The following ZC2HC1C variants were observed in gnomAD, a reference collection of about 807,000 sequenced individuals.
The protein encoded by ZC2HC1C is zinc finger C2HC domain-containing protein 1C.
ZC2HC1C carries 25 observed loss-of-function variants against 39.2 expected under a neutral mutation model. The ratio of observed to expected loss-of-function variants is 0.64; its 90% CI spans 0.47 to 0.89. ZC2HC1C has a LOEUF of 0.89. ZC2HC1C is among the 40% of genes least tolerant of loss of function. ZC2HC1C has a pLI of 0.00. For synonymous variants in ZC2HC1C, 209 were observed against 214.4 expected, an observed-to-expected ratio of 0.97 and a Z score of 0.22; for missense variants, 519 against 548.6, an observed-to-expected ratio of 0.95 and a Z score of 0.54.
intron 2 of ZC2HC1C, 59 bp from the exon 3 acceptor site, chr14:75,077,473 G>A: frequency 6.2e-7 from 1 of 1,602,188 alleles, no homozygotes. Context: ...TATTCTACAA[G>A]AGACTCAGGA....
chr14:75,077,468 T>C (rs1324161066), intron 2 of ZC2HC1C, 64 bp from the exon 3 acceptor site: 3 of 1,598,740 alleles, frequency 1.9e-6, no homozygotes, highest in African/African-American at 1.3e-5. Flanking sequence ...ACTGTTATTC[T>C]ACAAGAGACT....
rs368209946 is a variant in ZC2HC1C at position 75,071,747 on chromosome 14, A to T, written c.1174A>T (p.Ser392Cys). Residue 392 changes from serine (S) to cysteine (C), a missense_variant, in exon 2 of 3, where the codon AGC becomes TGC. Transcript: ENST00000524913. ...SIEEPQLGEC[S>C]HCGRKFLSFR... Reference sequence around the variant, plus strand: ...TGAAGAGCCACAGCTGGGTGAGTGCAGCCACTGTGGGCGCAAATTCCTCTC... The same window carrying T: ...TGAAGAGCCACAGCTGGGTGAGTGCTGCCACTGTGGGCGCAAATTCCTCTC... 6 of 1,614,062 alleles carry T rather than the reference A, an allele frequency of 3.7e-6. No homozygotes were observed. In the African/African-American group the frequency reaches 6.7e-5, roughly 18 times the overall value.
Position 75,077,758 on chromosome 14 carries a change from A to AG in ZC2HC1C, c.*195dup. On this transcript the variant is annotated 3_prime_UTR_variant, in exon 3 of 3. Transcript: ENST00000524913. ...CACATTCCCAAGTGTAAGACCATCA[A>AG]GAACTGTCTTCCACCTCTAAGGAAG... is the stretch of plus-strand genomic sequence containing the variant. 1.6e-6 allele frequency: 1 copy of AG among 621,486 alleles called. No individual in the cohort carries two copies. 38.5% of individuals were successfully genotyped at this position (621,486 alleles called of 1,614,324 possible).
chr14:75,071,788 A>G lies in ZC2HC1C; in HGVS notation c.1215A>G (p.Arg405=). 6.2e-7 allele frequency: 1 copy of G among 1,614,110 alleles called. No homozygotes were observed. The highest frequency in any genetic ancestry group is 8.5e-7 in the Non-Finnish European group (1 of 1,180,012). ...AATTCCTCTCGTTCAGGCTGGAGAG[A>G]CACTCCAACATCTGCAGCAGGATGC... ...GRKFLSFRLE[R]HSNICSRMRG... is the part of the protein sequence containing the mutation. The change falls in exon 2 of 3, where the codon AGA becomes AGG. Residue 405 remains arginine (R), a synonymous_variant. Transcript: ENST00000524913.
chr14:75,079,945 GT>G lies in ZC2HC1C; in HGVS notation c.*2384del, dbSNP rs1455964901. The stretch of plus-strand genomic sequence containing the variant: ...AGTGCTTTCTAAAAAGGAAGCAGTT[GT>G]TTGCTCTCATTTTGCTAAAGAAATA... On this transcript the variant is annotated 3_prime_UTR_variant, in exon 3 of 3. Coordinates refer to ENST00000524913, the MANE Select transcript of ZC2HC1C (RefSeq NM_024643.4). 2 of 152,168 alleles carry G rather than the reference GT, an allele frequency of 1.3e-5. No homozygotes were observed. The highest frequency in any genetic ancestry group is 2.4e-5 in the African/African-American group (1 of 41,432). 9.4% of individuals were successfully genotyped at this position (152,168 alleles called of 1,614,324 possible).
chr14:75,073,498 C>A, intron 2 of ZC2HC1C: 1 of 1,045,578 alleles, frequency 9.6e-7, no homozygotes, highest in South Asian at 1.3e-5. Flanking sequence ...ACATTGAGGA[C>A]ACCAAGACAG....
In ZC2HC1C at chr14:75,077,851, G is replaced by A; in HGVS notation, c.*287G>A. 2.7e-6 allele frequency: 1 copy of A among 369,602 alleles called. No individual in the cohort carries two copies. Among genetic ancestry groups the A allele is most frequent in the Non-Finnish European group, 4.9e-6 (1 of 202,590 alleles). The allele number at this position is 369,602 out of a possible 1,614,324, so 22.9% of individuals were successfully genotyped here. A position where few individuals can be genotyped will look rare whatever the true frequency, so the allele number is the denominator to read the frequency against. ...CAGAAAGCTCTGCTTCTCTTCAGCAGTAAATGGGAGTAGAATTTGATGCAA... is the reference window on the plus strand; with the variant it reads ...CAGAAAGCTCTGCTTCTCTTCAGCAATAAATGGGAGTAGAATTTGATGCAA... On this transcript the variant is annotated 3_prime_UTR_variant, in exon 3 of 3. Transcript: ENST00000524913.
At chr14:75,077,379 A>G (rs1893723528) in intron 2 of ZC2HC1C, among the ~76,000 whole-genome samples, 153 bp from the exon 3 acceptor site, 1 of 152,104 alleles carries the variant, frequency 6.6e-6, no homozygotes, top group Non-Finnish European at 1.5e-5. Flanking sequence ...GTTTGCCTCA[A>G]CGCTGGCAAG....
At chr14:75,072,787 GTA>G (rs1388558500) in intron 2 of ZC2HC1C, among the ~76,000 whole-genome samples, 1 of 152,144 alleles carries the variant, frequency 6.6e-6, no homozygotes, top group African/African-American at 2.4e-5. Flanking sequence ...GTTTAGTGTT[GTA>G]TTAGAAAAAT....
chr14:75,076,050 C>T (rs868119629), intron 2 of ZC2HC1C, among the ~76,000 whole-genome samples: 11 of 152,226 alleles, frequency 7.2e-5, no homozygotes, highest in African/African-American at 2.6e-4. Flanking sequence ...AAGCAAGACT[C>T]CATCTCAAAT....
At chr14:75,077,385 G>T (rs1049904068) in intron 2 of ZC2HC1C, 147 bp from the exon 3 acceptor site, 8 of 1,051,156 alleles carry the variant, frequency 7.6e-6, no homozygotes, top group African/African-American at 6.4e-5. Context: ...CTCAACGCTG[G>T]CAAGTCAGTT....
chr14:75,071,274 T>C lies in ZC2HC1C; in HGVS notation c.701T>C (p.Leu234Pro), dbSNP rs1467637227. ...GAAATCCGAAGAAAGCAGATTCTCC[T>C]GAGGGGAAAGCTGAAGAAGACAGAG... ...EEEIRRKQIL[L>P]RGKLKKTEEE... The change falls in exon 2 of 3, where the codon CTG becomes CCG. Residue 234 changes from leucine to proline, a missense_variant. Transcript: ENST00000524913. 6.2e-7 allele frequency: 1 copy of C among 1,614,020 alleles called. No individual in the cohort carries two copies. The highest frequency in any genetic ancestry group is 8.5e-7 in the Non-Finnish European group (1 of 1,180,006).
chr14:75,073,834 G>C (rs1314398004), intron 2 of ZC2HC1C, among the ~76,000 whole-genome samples: 1 of 152,164 alleles, frequency 6.6e-6, no homozygotes, highest in African/African-American at 2.4e-5. Flanking sequence ...ATTACTAAAG[G>C]ATCTCATATA....
In ZC2HC1C at chr14:75,078,236, C is replaced by G. The variant is rs1893769847; in HGVS notation, c.*672C>G. On this transcript the variant is annotated 3_prime_UTR_variant, in exon 3 of 3. Transcript: ENST00000524913. The stretch of plus-strand genomic sequence containing the variant: ...TGTTGGTGTCAGAGGGGCATGATCA[C>G]CCAGATAGTAACTCTTATAAAAGAT... 1 of 152,176 alleles carries G rather than the reference C, an allele frequency of 6.6e-6. No homozygotes were observed. The highest frequency in any genetic ancestry group is 2.4e-5 in the African/African-American group (1 of 41,416). The allele number at this position is 152,176 out of a possible 1,614,324, so 9.4% of individuals were successfully genotyped here.
At position 75,070,579 on chromosome 14, in the gene ZC2HC1C, T is replaced by C; in HGVS notation, c.6T>C (p.Ala2=). 6.2e-7 allele frequency: 1 copy of C among 1,608,122 alleles called. No individual in the cohort carries two copies. Among genetic ancestry groups the C allele is most frequent in the East Asian group, 2.2e-5 (1 of 44,858 alleles). ...GGCGTCAGTCCAGGCCCTGAATGGCTGGTCTCCAGCGGTTGGCGTCACATC... is the reference window on the plus strand; with the variant it reads ...GGCGTCAGTCCAGGCCCTGAATGGCCGGTCTCCAGCGGTTGGCGTCACATC... M[A]GLQRLASHLP... The change falls in exon 2 of 3, where the codon GCT becomes GCC. Residue 2 remains alanine (A), a synonymous_variant. Coordinates refer to ENST00000524913, the MANE Select transcript of ZC2HC1C (RefSeq NM_024643.4).
chr14:75,071,094 C>T lies in ZC2HC1C; in HGVS notation c.521C>T (p.Ser174Leu). 1 of 1,614,194 alleles carries T rather than the reference C, an allele frequency of 6.2e-7. No homozygotes were observed. The highest frequency in any genetic ancestry group is 1.3e-5 in the African/African-American group (1 of 75,032). Residue 174 changes from serine (S) to leucine (L), a missense_variant, in exon 2 of 3, where the codon TCA (serine) becomes TTA (leucine). Ser to Leu is a moderately radical substitution (Grantham distance 145). Coordinates refer to ENST00000524913, the MANE Select transcript of ZC2HC1C (RefSeq NM_024643.4). Reference protein sequence around the residue: ...YPRPPEPREFSSRNFGVRNQG... With the variant: ...YPRPPEPREFLSRNFGVRNQG... ...AGGCCCCCTGAGCCGAGAGAGTTTT[C>T]ATCTAGGAACTTTGGTGTGAGGAAC... is the stretch of plus-strand genomic sequence containing the variant.
At chr14:75,070,491 T>A (rs536345870) in intron 1 of ZC2HC1C, 64 bp from the exon 2 acceptor site, 1 of 1,515,046 alleles carries the variant, frequency 6.6e-7, no homozygotes, top group African/African-American at 1.4e-5. Context: ...AATAGTTTGC[T>A]TTAGCAGCCG....
rs1893371984 is a variant in ZC2HC1C at position 75,071,085 on chromosome 14, G to A, written c.512G>A (p.Arg171Lys). 17 of 1,614,198 alleles carry A rather than the reference G, an allele frequency of 1.1e-5. No individual in the cohort carries two copies. The highest frequency in any genetic ancestry group is 1.4e-5 in the Non-Finnish European group (16 of 1,180,040). The change falls in exon 2 of 3, where the codon AGA (arginine) becomes AAA (lysine). Residue 171 changes from arginine to lysine, a missense_variant. Transcript: ENST00000524913. ...GTCTACCCAAGGCCCCCTGAGCCGA[G>A]AGAGTTTTCATCTAGGAACTTTGGT... ...HNVYPRPPEP[R>K]EFSSRNFGVR...
rs751431979 is a variant in ZC2HC1C at position 75,071,487 on chromosome 14, C to T, written c.914C>T (p.Thr305Ile). The stretch of plus-strand genomic sequence containing the variant: ...AGTAGAGACAGGAGAGAGGATGAAA[C>T]TTGGGGACGGTCTCAACAAAATTCA... The part of the protein sequence containing the change: ...EFSRDRREDE[T>I]WGRSQQNSGP... The change falls in exon 2 of 3, where the codon ACT (threonine) becomes ATT (isoleucine). Residue 305 changes from threonine to isoleucine, a missense_variant. Thr to Ile is a moderately conservative substitution (Grantham distance 89, BLOSUM62 -1). Coordinates refer to ENST00000524913, the MANE Select transcript of ZC2HC1C (RefSeq NM_024643.4). The T allele has an allele frequency of 1.2e-6, 2 of 1,614,118 alleles. No individual in the cohort carries two copies. The highest frequency in any genetic ancestry group is 8.5e-7 in the Non-Finnish European group (1 of 1,180,036).
Sources: gnomAD v4.1 joint callset for allele counts (sites outside exome capture counted in the v4.1 genomes callset) on GRCh38, gnomAD v4.1.1 for gene constraint, MANE v1.5 for transcripts, NCBI Gene and HGNC (gene_info 2026-07-23, HGNC 2026-07-21) for gene names.